Variants in LRRTM4 observed in about 807,000 individuals in gnomAD.
LRRTM4 encodes leucine-rich repeat transmembrane neuronal protein 4.
LRRTM4 carries 25 observed loss-of-function variants against 47.6 expected under a neutral mutation model. That is an observed-to-expected ratio of 0.53 (90% CI 0.38 to 0.73). LRRTM4 has a LOEUF of 0.73. Among genes scored for constraint, LRRTM4 ranks in the 30% least tolerant of loss-of-function variants. The pLI, the probability that LRRTM4 is intolerant of heterozygous loss-of-function variation, is 0.00. For missense variants in LRRTM4, 638 were observed against 713.4 expected, an observed-to-expected ratio of 0.89 and a Z score of 1.20; for synonymous variants, 311 against 269.5, an observed-to-expected ratio of 1.15 and a Z score of -1.51.
chr2:77,053,070 C>T (rs965529976), intron 3 of LRRTM4, among the ~76,000 whole-genome samples: 3 of 151,858 alleles, frequency 2.0e-5, no homozygotes, highest in Non-Finnish European at 2.9e-5. Context: ...AATTTGAGAG[C>T]GATAAAGAAG....
chr2:77,163,336 C>A (rs1424227889), intron 3 of LRRTM4, among the ~76,000 whole-genome samples: 1 of 152,090 alleles, frequency 6.6e-6, no homozygotes, highest in Non-Finnish European at 1.5e-5. Context: ...GTGGAAAGAA[C>A]AAATCTACGT....
chr2:77,230,917 T>C (rs1385127662), intron 3 of LRRTM4, among the ~76,000 whole-genome samples: 1 of 152,192 alleles, frequency 6.6e-6, no homozygotes, highest in Non-Finnish European at 1.5e-5. Context: ...GGAAATTTTG[T>C]CATTGTTCTT....
chr2:76,979,696 CGATAGATA>C (rs71376811), intron 3 of LRRTM4, among the ~76,000 whole-genome samples: 3,954 of 146,490 alleles, frequency 0.027, 63 homozygotes, highest in African/African-American at 0.042. Context: ...AGAGTATAAG[CGATAGATA>C]GATAGATAGA....
chr2:77,256,101 A>G (rs554484725), intron 3 of LRRTM4, among the ~76,000 whole-genome samples: 2 of 152,152 alleles, frequency 1.3e-5, no homozygotes, highest in East Asian at 3.9e-4. Context: ...TTATCTTTAT[A>G]GTCTCTGTAA....
intron 3 of LRRTM4, among the ~76,000 whole-genome samples, chr2:76,985,489 G>C (rs901354115): frequency 6.6e-6 from 1 of 152,100 alleles, no homozygotes; most frequent in Admixed American, 6.6e-5. Context: ...TTGAGTGACA[G>C]TATGGCAAAC....
intron 3 of LRRTM4, among the ~76,000 whole-genome samples, chr2:77,145,667 G>A (rs1202140000): frequency 2.6e-5 from 4 of 151,576 alleles, no homozygotes; most frequent in Non-Finnish European, 4.4e-5. Context: ...CCAGCTACTC[G>A]GGAGGCTGAG....
intron 3 of LRRTM4, among the ~76,000 whole-genome samples, chr2:77,484,702 T>G (rs533968879): frequency 2.5e-4 from 38 of 152,238 alleles, no homozygotes; most frequent in African/African-American, 7.0e-4. Flanking sequence ...CAATGTAAAT[T>G]TAATTTAAAA....
chr2:77,130,636 A>T lies in LRRTM4; in HGVS notation c.1552-381720T>A, dbSNP rs548108797. ...ACACCATTCTCCTGCCTCAGCCTACAGAGTAGCTGGGACTACAGGCGCCGG... is the reference window on the plus strand; with the variant it reads ...ACACCATTCTCCTGCCTCAGCCTACTGAGTAGCTGGGACTACAGGCGCCGG... On this transcript the variant is annotated intron_variant, in intron 3 of 3. Coordinates refer to ENST00000409884, the MANE Select transcript of LRRTM4 (RefSeq NM_001134745.3). Among the ~76,000 whole-genome samples the T allele has an allele frequency of 2.1e-4, 28 of 135,158 alleles. No homozygotes were observed. In the East Asian group the frequency reaches 5.7e-3, roughly 28 times the overall value. 88.7% of individuals were successfully genotyped at this position (135,158 alleles called of 152,430 possible). A position where few individuals can be genotyped will look rare whatever the true frequency, so the allele number is the denominator to read the frequency against.
At chr2:76,873,737 T>A (rs896031035) in intron 3 of LRRTM4, among the ~76,000 whole-genome samples, 1 of 151,516 alleles carries the variant, frequency 6.6e-6, no homozygotes, top group Non-Finnish European at 1.5e-5. Flanking sequence ...AGCATCAACT[T>A]CTACTGCTTG....
intron 3 of LRRTM4, among the ~76,000 whole-genome samples, chr2:77,478,658 A>G (rs1677530101): frequency 6.6e-6 from 1 of 152,178 alleles, no homozygotes; most frequent in African/African-American, 2.4e-5. Context: ...CATTGAAAAC[A>G]ATCTGGGTTT....
intron 3 of LRRTM4, among the ~76,000 whole-genome samples, chr2:77,256,446 G>A (rs1191273502): frequency 3.1e-4 from 47 of 152,202 alleles, no homozygotes; most frequent in Non-Finnish European, 8.8e-5. Context: ...ATCTTGAGTT[G>A]TAGCTCCCAC....
chr2:77,274,228 G>T (rs762063458), intron 3 of LRRTM4, among the ~76,000 whole-genome samples: 24 of 152,054 alleles, frequency 1.6e-4, no homozygotes, highest in Middle Eastern at 6.8e-3. Flanking sequence ...TATATATTAA[G>T]ATACCCAATA....
intron 3 of LRRTM4, among the ~76,000 whole-genome samples, chr2:77,236,843 A>T (rs1415919376): frequency 6.6e-6 from 1 of 152,044 alleles, no homozygotes; most frequent in Non-Finnish European, 1.5e-5. Flanking sequence ...TGCATGTCAA[A>T]GAAACCTTGC....
At chr2:77,163,608 T>G (rs1672793590) in intron 3 of LRRTM4, among the ~76,000 whole-genome samples, 1 of 152,116 alleles carries the variant, frequency 6.6e-6, no homozygotes, top group African/African-American at 2.4e-5. Flanking sequence ...AGGAAGCCCA[T>G]CAGACTAACA....
At chr2:76,766,591 T>C (rs1673465263) in intron 3 of LRRTM4, among the ~76,000 whole-genome samples, 1 of 152,236 alleles carries the variant, frequency 6.6e-6, no homozygotes, top group African/African-American at 2.4e-5. Context: ...TCTCTTGCTG[T>C]CTGGCTGATT....
At chr2:77,316,882 T>C (rs1677634829) in intron 3 of LRRTM4, among the ~76,000 whole-genome samples, 1 of 152,198 alleles carries the variant, frequency 6.6e-6, no homozygotes, top group African/African-American at 2.4e-5. Flanking sequence ...CAATTAAGTA[T>C]CAGAAATCTT....
intron 3 of LRRTM4, among the ~76,000 whole-genome samples, chr2:77,271,163 C>T (rs1009780351): frequency 2.0e-5 from 3 of 152,140 alleles, no homozygotes; most frequent in Admixed American, 6.5e-5. Context: ...CTTCAACTGT[C>T]CATGTGACCT....
At chr2:77,417,122 A>C (rs290012) in intron 3 of LRRTM4, among the ~76,000 whole-genome samples, 76,804 of 151,826 alleles carry the variant, frequency 0.51, 19,908 homozygotes, top group African/African-American at 0.58. Context: ...ATTTATGCAG[A>C]CAAAAGACAC....
intron 3 of LRRTM4, among the ~76,000 whole-genome samples, chr2:77,227,851 G>A (rs1674856359): frequency 6.6e-6 from 1 of 151,852 alleles, no homozygotes; most frequent in Non-Finnish European, 1.5e-5. Flanking sequence ...TTAAAATATG[G>A]TTATACTTTC....
Sources: gnomAD v4.1 joint callset for allele counts (sites outside exome capture counted in the v4.1 genomes callset) on GRCh38, gnomAD v4.1.1 for gene constraint, MANE v1.5 for transcripts, NCBI Gene and HGNC (gene_info 2026-07-23, HGNC 2026-07-21) for gene names.